KCNIP4: variants seen among roughly 807,000 people sequenced by gnomAD.
KCNIP4 encodes Kv channel-interacting protein 4.
A neutral mutation model predicts 34.0 loss-of-function variants in KCNIP4; 12 were observed. The ratio of observed to expected loss-of-function variants is 0.35; its 90% CI spans 0.23 to 0.57. KCNIP4 has a LOEUF of 0.57. Among genes scored for constraint, KCNIP4 ranks in the 20% least tolerant of loss-of-function variants. KCNIP4 has a pLI of 0.83. For synonymous variants in KCNIP4, 124 were observed against 102.2 expected (o/e 1.21, Z -1.29); for missense variants, 238 against 311.7 (o/e 0.76, Z 1.78).
At chr4:21,069,397 T>A (rs1233978588) in intron 1 of KCNIP4, among the ~76,000 whole-genome samples, 1 of 152,212 alleles carries the variant, frequency 6.6e-6, no homozygotes, top group Non-Finnish European at 1.5e-5. Context: ...AGTTATTGAT[T>A]AAATGTCACC....
intron 1 of KCNIP4, among the ~76,000 whole-genome samples, chr4:21,322,321 C>A (rs940596767): frequency 6.6e-6 from 1 of 152,120 alleles, no homozygotes; most frequent in African/African-American, 2.4e-5. Flanking sequence ...CAACAACCAA[C>A]CTCAGGGGAG....
intron 1 of KCNIP4, among the ~76,000 whole-genome samples, chr4:21,264,896 G>A (rs756573198): frequency 2.2e-4 from 33 of 151,918 alleles, no homozygotes; most frequent in Admixed American, 3.3e-4. Context: ...TCAGGTGTTC[G>A]AGACCAGCCT....
At chr4:21,378,786 T>C (rs1264930512) in intron 1 of KCNIP4, among the ~76,000 whole-genome samples, 1 of 152,194 alleles carries the variant, frequency 6.6e-6, no homozygotes, top group Non-Finnish European at 1.5e-5. Context: ...TAAATCTCTA[T>C]ATACTTTTCT....
chr4:21,271,258 T>G (rs1237736446), intron 1 of KCNIP4, among the ~76,000 whole-genome samples: 1 of 152,182 alleles, frequency 6.6e-6, no homozygotes, highest in Non-Finnish European at 1.5e-5. Flanking sequence ...TATTGATTTA[T>G]TTTTCTGTAA....
rs372031808 is a variant in KCNIP4 at position 20,984,455 on chromosome 4, G to C, written c.62-101746C>G. On this transcript the variant is annotated intron_variant, in intron 1 of 8. Transcript: ENST00000382152. ...AGAGCCGCCTCTGGCAGAGAGCTCA[G>C]CTCCCTCTCTGAATGCTAGGAAACA... Among the ~76,000 whole-genome samples the C allele has an allele frequency of 2.1e-4, 32 of 152,298 alleles. No homozygotes were observed. The South Asian group carries it at 2.9e-3, about 14-fold the overall frequency.
chr4:21,547,706 C>T (rs967230161), intron 1 of KCNIP4, among the ~76,000 whole-genome samples: 2 of 152,050 alleles, frequency 1.3e-5, no homozygotes, highest in Admixed American at 6.6e-5. Context: ...ATCTGAAACG[C>T]TTGAGACTAC....
intron 1 of KCNIP4, among the ~76,000 whole-genome samples, chr4:21,547,989 C>T (rs1275421060): frequency 6.6e-6 from 1 of 152,084 alleles, no homozygotes; most frequent in Non-Finnish European, 1.5e-5. Context: ...GGTTGTTTGG[C>T]ATCATTATCA....
intron 1 of KCNIP4, among the ~76,000 whole-genome samples, chr4:20,937,002 G>T (rs746349341): frequency 1.3e-5 from 2 of 151,956 alleles, no homozygotes; most frequent in Non-Finnish European, 2.9e-5. Context: ...AAAGCGTAAC[G>T]TTCTTGGTGT....
At chr4:20,981,256 C>T (rs1345374023) in intron 1 of KCNIP4, among the ~76,000 whole-genome samples, 1 of 152,180 alleles carries the variant, frequency 6.6e-6, no homozygotes, top group East Asian at 1.9e-4. Context: ...CCTAATCTTG[C>T]CTCTAATCTA....
At chr4:21,303,846 A>G in intron 1 of KCNIP4, 1 of 1,614,072 alleles carries the variant, frequency 6.2e-7, no homozygotes, top group Non-Finnish European at 8.5e-7. Context: ...TGTTCCAATA[A>G]TTTAACAAAA....
intron 1 of KCNIP4, among the ~76,000 whole-genome samples, chr4:21,825,874 G>A (rs1184019085): frequency 6.6e-6 from 1 of 152,156 alleles, no homozygotes; most frequent in Non-Finnish European, 1.5e-5. Context: ...AAATGTGAGA[G>A]AGGATGGCAG....
At chr4:21,229,522 G>A (rs1223926967) in intron 1 of KCNIP4, among the ~76,000 whole-genome samples, 1 of 152,114 alleles carries the variant, frequency 6.6e-6, no homozygotes, top group Admixed American at 6.6e-5. Flanking sequence ...AACCTATAAT[G>A]TGCTGTTCAC....
chr4:21,838,831 T>G (rs188236637), intron 1 of KCNIP4, among the ~76,000 whole-genome samples: 1 of 152,308 alleles, frequency 6.6e-6, no homozygotes, highest in Admixed American at 6.5e-5. Context: ...TCTGCCCATA[T>G]TATATCTGAT....
At chr4:21,782,727 T>C (rs1719646739) in intron 1 of KCNIP4, among the ~76,000 whole-genome samples, 4 of 152,138 alleles carry the variant, frequency 2.6e-5, no homozygotes, top group Admixed American at 2.6e-4. Context: ...CAATTGCTTA[T>C]AGTAACTTTA....
At chr4:21,810,709 AAAAAAAT>A (rs1186129273) in intron 1 of KCNIP4, among the ~76,000 whole-genome samples, 20 of 107,620 alleles carry the variant, frequency 1.9e-4, no homozygotes, top group East Asian at 3.9e-4. Flanking sequence ...AAAAAAAAAA[AAAAAAAT>A]CAGAGAGAAT....
At chr4:21,330,918 C>T (rs1461405683) in intron 1 of KCNIP4, among the ~76,000 whole-genome samples, 2 of 152,110 alleles carry the variant, frequency 1.3e-5, no homozygotes, top group African/African-American at 4.8e-5. Context: ...CCTAAAGATA[C>T]CGACTCATTG....
chr4:21,574,426 T>C (rs901995524), intron 1 of KCNIP4, among the ~76,000 whole-genome samples: 1 of 152,048 alleles, frequency 6.6e-6, no homozygotes, highest in African/African-American at 2.4e-5. Flanking sequence ...TTTTGTGGCC[T>C]TAATATATGG....
intron 1 of KCNIP4, among the ~76,000 whole-genome samples, chr4:21,690,098 GTA>G (rs1222016806): frequency 2.7e-5 from 4 of 146,026 alleles, no homozygotes; most frequent in Non-Finnish European, 3.0e-5. Context: ...ACATATATAT[GTA>G]TATATATACA....
intron 1 of KCNIP4, among the ~76,000 whole-genome samples, chr4:21,428,546 C>T (rs1250524280): frequency 6.6e-6 from 1 of 152,202 alleles, no homozygotes; most frequent in Non-Finnish European, 1.5e-5. Context: ...CACAATGACA[C>T]TTGGTGGTGG....
Sources: gnomAD v4.1 joint callset for allele counts (sites outside exome capture counted in the v4.1 genomes callset) on GRCh38, gnomAD v4.1.1 for gene constraint, MANE v1.5 for transcripts, NCBI Gene and HGNC (gene_info 2026-07-23, HGNC 2026-07-21) for gene names.